DYM: variants seen among roughly 807,000 people sequenced by gnomAD.
DYM encodes the protein dymeclin.
In DYM, 78 loss-of-function variants were observed where a neutral mutation model predicts 93.1. That is an observed-to-expected ratio of 0.84 (90% CI 0.70 to 1.01). The LOEUF is 1.01. Among genes scored for constraint, DYM ranks in the 50% least tolerant of loss-of-function variants. The pLI is 0.00. For missense variants in DYM, 789 were observed against 845.0 expected, an observed-to-expected ratio of 0.93 and a Z score of 0.82; for synonymous variants, 321 against 319.7, an observed-to-expected ratio of 1.00 and a Z score of -0.04.
chr18:49,421,387 C>T (rs12454182), intron 2 of DYM, among the ~76,000 whole-genome samples: 1 of 152,106 alleles, frequency 6.6e-6, no homozygotes, highest in East Asian at 1.9e-4. Flanking sequence ...AGGCAAACAG[C>T]GTCTGGAGTG....
Position 49,059,994 on chromosome 18 carries a change from C to T in DYM, c.2026-15790G>A, listed in dbSNP as rs549425261. Among the ~76,000 whole-genome samples, 278 of 152,148 alleles carry T rather than the reference C, an allele frequency of 1.8e-3. 1 individual carries two copies. Among genetic ancestry groups the T allele is most frequent in the African/African-American group, 6.3e-3 (260 of 41,518 alleles). Reference sequence around the variant, plus strand: ...GAGAATAAAATAAATTATAGGGTGACGTTTTGTACCATAAAAGCATTTAAT... The same window carrying T: ...GAGAATAAAATAAATTATAGGGTGATGTTTTGTACCATAAAAGCATTTAAT... On this transcript the variant is annotated intron_variant, in intron 17 of 17. Coordinates refer to ENST00000675505, the MANE Select transcript of DYM (RefSeq NM_001353214.3).
At chr18:49,147,411 C>A (rs1184308905) in intron 15 of DYM, among the ~76,000 whole-genome samples, 4 of 152,004 alleles carry the variant, frequency 2.6e-5, no homozygotes, top group African/African-American at 9.7e-5. Flanking sequence ...GAACAGGCAA[C>A]CTAGAGAATG....
chr18:49,248,392 A>G (rs2094215633), intron 13 of DYM, among the ~76,000 whole-genome samples: 1 of 152,210 alleles, frequency 6.6e-6, no homozygotes, highest in African/African-American at 2.4e-5. Flanking sequence ...TAATACTATA[A>G]TAGAGAAAAT....
intron 13 of DYM, among the ~76,000 whole-genome samples, chr18:49,224,862 C>T (rs2093475423): frequency 6.6e-6 from 1 of 152,070 alleles, no homozygotes; most frequent in African/African-American, 2.4e-5. Flanking sequence ...ATCACAAGAT[C>T]ACTTCAAATC....
chr18:49,435,270 T>C (rs2080738314), intron 1 of DYM, among the ~76,000 whole-genome samples: 2 of 143,220 alleles, frequency 1.4e-5, no homozygotes, highest in Non-Finnish European at 3.1e-5. Context: ...GAACTGAAAA[T>C]GCAACAGACA....
chr18:49,119,379 T>C (rs1374227814), intron 15 of DYM, among the ~76,000 whole-genome samples: 1 of 152,230 alleles, frequency 6.6e-6, no homozygotes, highest in Non-Finnish European at 1.5e-5. Context: ...ATATTTCAGA[T>C]AAACAGACTA....
intron 6 of DYM, among the ~76,000 whole-genome samples, chr18:49,360,170 A>C (rs1308211857): frequency 1.3e-5 from 2 of 150,862 alleles, no homozygotes; most frequent in Non-Finnish European, 2.9e-5. Flanking sequence ...TGGCTGCTCT[A>C]TTCATTGTGT....
Position 49,277,850 on chromosome 18 carries a change from C to G in DYM, c.1125+4147G>C, listed in dbSNP as rs16950494. 1.0e-2 allele frequency among the ~76,000 whole-genome samples: 1,517 copies of G among 152,312 alleles called. 41 individuals carry two copies. Among genetic ancestry groups the G allele is most frequent in the South Asian group, 0.075 (360 of 4,824 alleles). ...AAATTCTGAACTGACTAAGCCAGAA[C>G]TGACTAAGACATAGGTATTTGGCGG... is the stretch of plus-strand genomic sequence containing the variant. On this transcript the variant is annotated intron_variant, in intron 10 of 17. Coordinates refer to ENST00000675505, the MANE Select transcript of DYM (RefSeq NM_001353214.3).
At chr18:49,192,476 C>A (rs779539987) in intron 14 of DYM, among the ~76,000 whole-genome samples, 1 of 151,988 alleles carries the variant, frequency 6.6e-6, no homozygotes, top group Non-Finnish European at 1.5e-5. Flanking sequence ...GGTTCGATTT[C>A]CCTCTTTTGC....
At chr18:49,203,622 G>C (rs1366896752) in intron 14 of DYM, among the ~76,000 whole-genome samples, 2 of 141,302 alleles carry the variant, frequency 1.4e-5, no homozygotes, top group Admixed American at 1.4e-4. Context: ...GGCGGTGCAA[G>C]ATGTGCTTTG....
intron 14 of DYM, chr18:49,206,017 T>TTTTTTTTTTTTTTTTTTTGG: frequency 5.0e-6 from 1 of 200,960 alleles, no homozygotes; most frequent in Non-Finnish European, 9.7e-6. Context: ...TTTTGTTTTT[T>TTTTTTTTTTTTTTTTTTTGG]GCGGAGTCTT....
chr18:49,120,661 C>T (rs1223376369), intron 15 of DYM, among the ~76,000 whole-genome samples: 1 of 152,146 alleles, frequency 6.6e-6, no homozygotes, highest in African/African-American at 2.4e-5. Flanking sequence ...ATATGGAGGA[C>T]TGACTTATAT....
intron 15 of DYM, among the ~76,000 whole-genome samples, chr18:49,132,674 A>C (rs1053891365): frequency 6.6e-6 from 1 of 152,182 alleles, no homozygotes; most frequent in African/African-American, 2.4e-5. Context: ...AAATAAAAAC[A>C]AAAACCGTCA....
intron 2 of DYM, among the ~76,000 whole-genome samples, chr18:49,422,480 T>G (rs977987490): frequency 6.6e-6 from 1 of 152,122 alleles, no homozygotes; most frequent in Non-Finnish European, 1.5e-5. Context: ...AGGAAGAAAC[T>G]GCATCAACTA....
At chr18:49,403,638 T>C (rs997851673) in intron 2 of DYM, among the ~76,000 whole-genome samples, 2 of 152,200 alleles carry the variant, frequency 1.3e-5, no homozygotes, top group African/African-American at 4.8e-5. Context: ...GCAGGTTTGT[T>C]ACATGGGTAT....
chr18:49,459,919 G>T (rs1370004552), intron 1 of DYM, among the ~76,000 whole-genome samples: 1 of 133,582 alleles, frequency 7.5e-6, no homozygotes, highest in Non-Finnish European at 1.6e-5. Flanking sequence ...TCTTTGGGGC[G>T]GGGGGGGCGG....
chr18:49,264,681 G>A (rs374728331), intron 11 of DYM, among the ~76,000 whole-genome samples: 15 of 152,166 alleles, frequency 9.9e-5, no homozygotes, highest in Admixed American at 4.6e-4. Flanking sequence ...TTTGTGTTAC[G>A]TATAAGCACA....
chr18:49,405,151 T>C (rs1041899849), intron 2 of DYM, among the ~76,000 whole-genome samples: 24 of 152,230 alleles, frequency 1.6e-4, no homozygotes, highest in African/African-American at 5.8e-4. Flanking sequence ...TATTAGATGT[T>C]TGCTGAATGC....
intron 14 of DYM, among the ~76,000 whole-genome samples, chr18:49,195,499 C>G (rs548276351): frequency 6.6e-6 from 1 of 152,296 alleles, no homozygotes; most frequent in Non-Finnish European, 1.5e-5. Context: ...AGAACTCACT[C>G]TTTCTAGCTA....
Sources: allele counts gnomAD v4.1 joint callset (sites outside exome capture counted in the v4.1 genomes callset), GRCh38; gene constraint gnomAD v4.1.1; transcripts MANE v1.5; gene names NCBI Gene and HGNC (gene_info 2026-07-23, HGNC 2026-07-21).